Variants in CFTR observed in about 807,000 individuals in gnomAD.
CFTR encodes the protein cystic fibrosis transmembrane conductance regulator.
In CFTR, 181 loss-of-function variants were observed where a neutral mutation model predicts 171.6. The ratio of observed to expected loss-of-function variants is 1.05; its 90% confidence interval spans 0.93 to 1.19. The LOEUF is 1.19. CFTR is among the 50% of genes most tolerant of loss of function. CFTR has a pLI of 0.00. For synonymous variants in CFTR, 583 were observed against 608.0 expected, an observed-to-expected ratio of 0.96 and a Z score of 0.60; for missense variants, 1,968 against 1,734.7, an observed-to-expected ratio of 1.13 and a Z score of -2.39.
At chr7:117,603,833 C>A (rs1397636898) in intron 17 of CFTR, 51 bp downstream of exon 17, 2 of 1,603,544 alleles carry the variant, frequency 1.2e-6, no homozygotes, top group Non-Finnish European at 1.7e-6. Context: ...ATCAATAGGG[C>A]CTGTGGTTTT....
intron 23 of CFTR, among the ~76,000 whole-genome samples, chr7:117,646,556 A>G (rs1792998016): frequency 6.6e-6 from 1 of 152,100 alleles, no homozygotes; most frequent in Non-Finnish European, 1.5e-5. Context: ...AAAGAAGTTA[A>G]TACTTGACAA....
intron 1 of CFTR, among the ~76,000 whole-genome samples, chr7:117,501,786 A>AAAAAAAAAAAAC (rs1798335963): frequency 7.1e-6 from 1 of 140,548 alleles, no homozygotes. Context: ...CAAAAAAAAA[A>AAAAAAAAAAAAC]AAAAAACAAA....
chr7:117,504,166 AT>A, intron 1 of CFTR, 86 bp from the exon 2 acceptor site: 1 of 784,822 alleles, frequency 1.3e-6, no homozygotes, highest in Non-Finnish European at 2.3e-6. Flanking sequence ...AATTTTCCAT[AT>A]GCCAGAAAAG....
chr7:117,564,135 AAAC>A (rs763712175), intron 11 of CFTR, among the ~76,000 whole-genome samples: 11 of 152,210 alleles, frequency 7.2e-5, no homozygotes, highest in Non-Finnish European at 1.3e-4. Context: ...AGAGAGTTTT[AAAC>A]TCTTGTTGGA....
At chr7:117,625,709 G>C (rs945086848) in intron 21 of CFTR, among the ~76,000 whole-genome samples, 1 of 151,980 alleles carries the variant, frequency 6.6e-6, no homozygotes, top group African/African-American at 2.4e-5. Flanking sequence ...TTCAAGAGAG[G>C]GATACTATTC....
In CFTR at chr7:117,665,570, T is replaced by A; in HGVS notation, c.4242+6T>A. On this transcript the variant is annotated splice_donor_region_variant and intron_variant, in intron 26 of 26. Coordinates refer to ENST00000003084, the MANE Select transcript of CFTR (RefSeq NM_000492.4). ...TGGAATGCCAACAATTTTTGGTGAG[T>A]CTTTATAACTTTACTTAAGATCTCA... The A allele has an allele frequency of 6.5e-7, 1 of 1,547,902 alleles. No homozygotes were observed. The highest frequency in any genetic ancestry group is 8.9e-7 in the Non-Finnish European group (1 of 1,120,142).
chr7:117,569,910 C>T lies in CFTR; in HGVS notation c.1584+10255C>T, dbSNP rs146040452. ...ACAGTGATAAGCAAGCCAGTTTGTA[C>T]TCTCGTGTAACTTACATTCTACTTT... On this transcript the variant is annotated intron_variant, in intron 11 of 26. Transcript: ENST00000003084. 3.3e-5 allele frequency among the ~76,000 whole-genome samples: 5 copies of T among 152,256 alleles called. No individual in the cohort carries two copies. The East Asian group carries it at 9.7e-4, about 29-fold the overall frequency.
intron 3 of CFTR, among the ~76,000 whole-genome samples, chr7:117,511,532 C>T (rs1419000599): frequency 6.6e-6 from 1 of 152,120 alleles, no homozygotes; most frequent in African/African-American, 2.4e-5. Flanking sequence ...AAGCGTGTTT[C>T]CATCATCTCA....
At chr7:117,531,208 G>C in intron 4 of CFTR, 94 bp downstream of exon 4, 1 of 903,066 alleles carries the variant, frequency 1.1e-6, no homozygotes, top group Non-Finnish European at 1.8e-6. Context: ...TACAAGTAAG[G>C]GATAAATGCT....
At chr7:117,602,932 T>C in intron 16 of CFTR, 69 bp downstream of exon 16, 12 of 1,281,884 alleles carry the variant, frequency 9.4e-6, no homozygotes, top group Non-Finnish European at 1.3e-5. Context: ...TAATCCACTA[T>C]GTTTGTATGT....
intron 18 of CFTR, 82 bp from the exon 19 acceptor site, chr7:117,610,437 A>G (rs1792364347): frequency 2.3e-6 from 3 of 1,287,630 alleles, no homozygotes. Context: ...AAAAAAAAAA[A>G]AGAAATAAAT....
intron 10 of CFTR, among the ~76,000 whole-genome samples, chr7:117,552,660 A>T (rs1390234250): frequency 6.6e-6 from 1 of 152,130 alleles, no homozygotes; most frequent in Non-Finnish European, 1.5e-5. Context: ...CAAGGTAGCC[A>T]ATCCAGGTAA....
chr7:117,657,955 G>C (rs1261265055), intron 24 of CFTR, among the ~76,000 whole-genome samples: 1 of 152,190 alleles, frequency 6.6e-6, no homozygotes, highest in African/African-American at 2.4e-5. Context: ...CTTGTACCTA[G>C]TTACTAGCTG....
At chr7:117,644,051 C>T (rs1169269352) in intron 23 of CFTR, among the ~76,000 whole-genome samples, 2 of 150,826 alleles carry the variant, frequency 1.3e-5, no homozygotes, top group African/African-American at 4.9e-5. Flanking sequence ...GTGAGTCTCC[C>T]AAGTTTGTCT....
chr7:117,497,867 TA>T (rs991543042), intron 1 of CFTR, among the ~76,000 whole-genome samples: 38 of 152,148 alleles, frequency 2.5e-4, no homozygotes, highest in Non-Finnish European at 4.6e-4. Flanking sequence ...ACCTTTTCTT[TA>T]ATGAAAAAGA....
chr7:117,518,827 G>A (rs1798641333), intron 3 of CFTR, among the ~76,000 whole-genome samples: 1 of 151,970 alleles, frequency 6.6e-6, no homozygotes, highest in Admixed American at 6.6e-5. Flanking sequence ...AGCAAATCTT[G>A]TAGCACCAGT....
rs79988833 is a variant in CFTR at position 117,498,118 on chromosome 7, C to T, written c.54-6135C>T. On this transcript the variant is annotated intron_variant, in intron 1 of 26. Transcript: ENST00000003084. ...GCCTGTATGGTTGTAAATCCTGGACCTGCAGAAGATTTTTCAGTATTGGTT... is the reference window on the plus strand; with the variant it reads ...GCCTGTATGGTTGTAAATCCTGGACTTGCAGAAGATTTTTCAGTATTGGTT... 7.3e-3 allele frequency among the ~76,000 whole-genome samples: 1,108 copies of T among 152,170 alleles called. 16 individuals carry two copies. The highest frequency in any genetic ancestry group is 0.026 in the African/African-American group (1,064 of 41,506).
intron 10 of CFTR, among the ~76,000 whole-genome samples, chr7:117,549,166 G>C (rs1317885158): frequency 6.6e-6 from 1 of 152,048 alleles, no homozygotes; most frequent in Non-Finnish European, 1.5e-5. Context: ...TTTCAGAGCT[G>C]GTCCAGGAAA....
rs1285615718 is a variant in CFTR, at chr7:117,543,843, T to C, written c.1209+1735T>C. Among the ~76,000 whole-genome samples the C allele has an allele frequency of 7.9e-5, 12 of 152,356 alleles. No homozygotes were observed. In the East Asian group the frequency reaches 2.3e-3, roughly 29 times the overall value. On this transcript the variant is annotated intron_variant, in intron 9 of 26. Transcript: ENST00000003084. ...TTTGCGACTTCAACGTCCATATAAA[T>C]GAGTCTTCCAATACTGTACTTAGAA...
Sources: gnomAD v4.1 joint callset for allele counts (sites outside exome capture counted in the v4.1 genomes callset) on GRCh38, gnomAD v4.1.1 for gene constraint, MANE v1.5 for transcripts, NCBI Gene and HGNC (gene_info 2026-07-23, HGNC 2026-07-21) for gene names.